The following POLRMT variants were observed in gnomAD, a reference collection of about 807,000 sequenced individuals.
POLRMT encodes RNA polymerase mitochondrial, also known as DNA-directed RNA polymerase, mitochondrial.
Under a neutral mutation model 132.2 loss-of-function variants are expected in POLRMT, and 114 were observed. The observed-to-expected ratio is 0.86, with a 90% CI of 0.74 to 1.01. The LOEUF is 1.01. POLRMT is among the 50% of genes least tolerant of loss of function. The pLI, the probability that POLRMT is intolerant of heterozygous loss-of-function variation, is 0.00. For missense variants in POLRMT, 2,003 were observed against 1,729.1 expected (o/e 1.16, Z -2.81); for synonymous variants, 1,020 against 773.4 (o/e 1.32, Z -5.29).
rs1355287058 is a variant in POLRMT at position 624,770 on chromosome 19, C to T, written c.1089G>A (p.Gln363=). ...TGGAGGTGTTGACCGGGGGCGGCAGCTGCGGCGGGAGGCTGAAGGTGGGCT... is the reference window on the plus strand; with the variant it reads ...TGGAGGTGTTGACCGGGGGCGGCAGTTGCGGCGGGAGGCTGAAGGTGGGCT... The part of the protein sequence containing the change: ...KVKPTFSLPP[Q]LPPPVNTSKL... Residue 363 remains glutamine (Q), a synonymous_variant, in exon 5 of 21, where the codon CAG becomes CAA. Transcript: ENST00000588649. The T allele has an allele frequency of 3.1e-6, 5 of 1,613,694 alleles. No homozygotes were observed. Among genetic ancestry groups the T allele is most frequent in the Non-Finnish European group, 4.2e-6 (5 of 1,180,004 alleles).
At chr19:627,098 G>A (rs1210961792) in intron 3 of POLRMT, among the ~76,000 whole-genome samples, 1 of 150,428 alleles carries the variant, frequency 6.6e-6, no homozygotes, top group Non-Finnish European at 1.5e-5. Flanking sequence ...AAGACATGCT[G>A]TGACATGAGG....
In POLRMT at chr19:620,015, G is replaced by A. The variant is rs755415414; in HGVS notation, c.2829C>T (p.Ser943=). Residue 943 remains serine, a synonymous_variant, in exon 12 of 21, where the codon TCC becomes TCT. Coordinates refer to ENST00000588649, the MANE Select transcript of POLRMT (RefSeq NM_005035.4). ...GCACATCCGAGGGCTCCAGGTTGAC[G>A]GAGGCGGCGCCCACGCTGTCGCGGC... ...ALGRDSVGAA[S]VNLEPSDVPQ... The A allele has an allele frequency of 1.2e-5, 19 of 1,581,006 alleles. No homozygotes were observed. In the Middle Eastern group the frequency reaches 5.0e-4, roughly 41 times the overall value.
chr19:624,681 A>G (rs1224423380), intron 5 of POLRMT, 38 bp downstream of exon 5: 8 of 1,591,496 alleles, frequency 5.0e-6, no homozygotes, highest in Middle Eastern at 2.0e-4. Context: ...AAGGGCAGCT[A>G]TAAGGACTGA....
rs200213010 is a variant in POLRMT, at chr19:619,559, G to C, written c.3066+27C>G. 4.9e-5 allele frequency: 79 copies of C among 1,610,936 alleles called. No individual in the cohort carries two copies. The East Asian group carries it at 1.7e-3, about 35-fold the overall frequency. ...TTTTAAATGGCAGTGAAACCAACGT[G>C]TTCGCAGCGCGACATGCCTGGCGCA... On this transcript the variant is annotated intron_variant, in intron 13 of 20. Transcript: ENST00000588649.
chr19:619,420 C>A (rs1984318173), intron 13 of POLRMT, 124 bp from the exon 14 acceptor site: 1 of 1,365,762 alleles, frequency 7.3e-7, no homozygotes, highest in Non-Finnish European at 1.0e-6. Flanking sequence ...GGGAATGGGG[C>A]CTGGCGCCCA....
chr19:621,850 G>T lies in POLRMT; in HGVS notation c.1852-4C>A, dbSNP rs767300073. 1.2e-6 allele frequency: 2 copies of T among 1,601,394 alleles called. No homozygotes were observed. Among genetic ancestry groups the T allele is most frequent in the Admixed American group, 3.3e-5 (2 of 59,980 alleles). On this transcript the variant is annotated splice_polypyrimidine_tract_variant and splice_region_variant and intron_variant, in intron 9 of 20. Transcript: ENST00000588649. ...GGTGCGGCTTCAGGATGCCGATCTGGGGTGCGACAGGCAGACGGGTCAGGG... is the reference window on the plus strand; with the variant it reads ...GGTGCGGCTTCAGGATGCCGATCTGTGGTGCGACAGGCAGACGGGTCAGGG...
rs765325903 is a variant in POLRMT at position 619,601 on chromosome 19, C to G, written c.3051G>C (p.Leu1017=). 6.2e-7 allele frequency: 1 copy of G among 1,611,262 alleles called. No individual in the cohort carries two copies. The highest frequency in any genetic ancestry group is 1.1e-5 in the South Asian group (1 of 91,016). ...RLQIEKRLRE[L]SDFPQEFVWE... Reference sequence around the variant, plus strand: ...CCTGGCGCACCTGGGGAAAGTCGCTCAGCTCCCGGAGGCGCTTCTCAATCT... The same window carrying G: ...CCTGGCGCACCTGGGGAAAGTCGCTGAGCTCCCGGAGGCGCTTCTCAATCT... Residue 1017 remains leucine (L), a synonymous_variant, in exon 13 of 21, where the codon CTG becomes CTC. Coordinates refer to ENST00000588649, the MANE Select transcript of POLRMT (RefSeq NM_005035.4).
In POLRMT at chr19:621,535, G is replaced by A. The variant is rs1600569553; in HGVS notation, c.2163C>T (p.Phe721=). 1 of 1,404,168 alleles carries A rather than the reference G, an allele frequency of 7.1e-7. No individual in the cohort carries two copies. The allele number at this position is 1,404,168 out of a possible 1,614,324, so 87.0% of individuals were successfully genotyped here. A position where few individuals can be genotyped will look rare whatever the true frequency, so the allele number is the denominator to read the frequency against. ...GRVLDLVLQL[F]QAKGCPQLGV... Reference sequence around the variant, plus strand: ...CTAGCTGGGGGCAGCCCTTGGCCTGGAAGAGCTGCAGCACCAGGTCCAGCA... The same window carrying A: ...CTAGCTGGGGGCAGCCCTTGGCCTGAAAGAGCTGCAGCACCAGGTCCAGCA... The change falls in exon 10 of 21, where the codon TTC becomes TTT. Residue 721 remains phenylalanine (F), a synonymous_variant. Transcript: ENST00000588649.
At chr19:632,986 G>A in intron 1 of POLRMT, 48 bp from the exon 2 acceptor site, 3 of 1,356,274 alleles carry the variant, frequency 2.2e-6, no homozygotes, top group Non-Finnish European at 2.9e-6. Context: ...GTGTGGGCGG[G>A]GGCCTCCATA....
chr19:629,965 G>A lies in POLRMT; in HGVS notation c.397C>T (p.Gln133Ter), dbSNP rs776334042. ...TTCAACCGCTGCATACGCATCTGCT[G>A]GGTCCGCTTATCCTTCTCCAGTATC... ...AKILEKDKRT[Q>*]QMRMQRLKAK... Residue 133 changes from glutamine (Q) to a stop codon, truncating the protein, a stop_gained, in exon 3 of 21, where the codon CAG (glutamine) becomes TAG (stop). Coordinates refer to ENST00000588649, the MANE Select transcript of POLRMT (RefSeq NM_005035.4). LOFTEE classifies it high-confidence loss of function. 6.2e-7 allele frequency: 1 copy of A among 1,613,810 alleles called. No homozygotes were observed. Among genetic ancestry groups the A allele is most frequent in the Non-Finnish European group, 8.5e-7 (1 of 1,180,034 alleles).
At chr19:624,625 C>T in intron 5 of POLRMT, 94 bp downstream of exon 5, 1 of 1,392,074 alleles carries the variant, frequency 7.2e-7, no homozygotes, top group Non-Finnish European at 9.7e-7. Flanking sequence ...GAGCCCTGGG[C>T]ACCGGGGAGG....
rs527267126 is a variant in POLRMT at position 619,222 on chromosome 19, G to A, written c.3141C>T (p.Thr1047=). 1.9e-4 allele frequency: 303 copies of A among 1,610,988 alleles called. 3 individuals carry two copies. In the South Asian group the frequency reaches 3.0e-3, roughly 16 times the overall value. The part of the protein sequence containing the change: ...FKSLQEMFSG[T]RAIQHWLTES... ...GGACAGGACGTACCTGGATGGCCCG[G>A]GTCCCCGAGAACATCTCCTGTAGAC... The change falls in exon 14 of 21, where the codon ACC becomes ACT. Residue 1047 remains threonine (T), a synonymous_variant. Transcript: ENST00000588649.
chr19:633,136 CGA>C (rs921871936), intron 1 of POLRMT, 198 bp from the exon 2 acceptor site: 8 of 596,068 alleles, frequency 1.3e-5, no homozygotes, highest in South Asian at 2.5e-5. Flanking sequence ...GCGGAACCGC[CGA>C]GAGAGGGTTC....
chr19:623,020 G>A (rs922892640), intron 6 of POLRMT, 35 bp from the exon 7 acceptor site: 1 of 1,603,144 alleles, frequency 6.2e-7, no homozygotes, highest in Non-Finnish European at 8.5e-7. Context: ...GAGCCCCGTG[G>A]CAGCTGGTGG....
At chr19:622,498 G>A (rs1984693702) in intron 8 of POLRMT, 84 bp downstream of exon 8, 1 of 1,485,786 alleles carries the variant, frequency 6.7e-7, no homozygotes, top group African/African-American at 1.4e-5. Flanking sequence ...ACTGAAGCTT[G>A]GGTGCAAACC....
At chr19:622,092 G>T (rs1203463074) in intron 9 of POLRMT, 57 bp downstream of exon 9, 1 of 1,449,220 alleles carries the variant, frequency 6.9e-7, no homozygotes, top group Non-Finnish European at 9.2e-7. Context: ...CAACCCCATG[G>T]GGTCCCTGGT....
At chr19:618,007 A>C (rs1984143083) in intron 17 of POLRMT, 158 bp from the exon 18 acceptor site, 21 of 622,982 alleles carry the variant, frequency 3.4e-5, no homozygotes, top group East Asian at 8.6e-5. Context: ...CTCCCCAAAC[A>C]TCCTGGGTTA....
rs763439126 is a variant in POLRMT at position 617,394 on chromosome 19, C to T, written c.3643+25G>A. 6.8e-6 allele frequency: 11 copies of T among 1,612,234 alleles called. No homozygotes were observed. The East Asian group carries it at 2.2e-4, about 33-fold the overall frequency. ...GCCCTGGCCCGCAGTTCGAGCCACC[C>T]TTGCGAGGCTGCCCACCCGCCTACC... is the stretch of plus-strand genomic sequence containing the variant. On this transcript the variant is annotated intron_variant, in intron 20 of 20. Transcript: ENST00000588649.
At chr19:617,979 C>A in intron 17 of POLRMT, 130 bp from the exon 18 acceptor site, 1 of 734,378 alleles carries the variant, frequency 1.4e-6, no homozygotes, top group Non-Finnish European at 2.3e-6. Flanking sequence ...AGGCCTCGCC[C>A]CACCCCTCGC....
Sources: allele counts gnomAD v4.1 joint callset (sites outside exome capture counted in the v4.1 genomes callset), GRCh38; gene constraint gnomAD v4.1.1; transcripts MANE v1.5; gene names NCBI Gene and HGNC (gene_info 2026-07-23, HGNC 2026-07-21).